GSPT1: variants seen among roughly 807,000 people sequenced by gnomAD.
GSPT1 encodes the protein G1 to S phase transition 1, also known as eukaryotic peptide chain release factor GTP-binding subunit ERF3A.
In GSPT1, 20 loss-of-function variants were observed where a neutral mutation model predicts 72.5. The ratio of observed to expected loss-of-function variants is 0.28; its 90% CI spans 0.19 to 0.40. The LOEUF is 0.40. Among genes scored for constraint, GSPT1 ranks in the 10% least tolerant of loss-of-function variants. The pLI is 1.00. For synonymous variants in GSPT1, 334 were observed against 293.5 expected, an observed-to-expected ratio of 1.14 and a Z score of -1.41; for missense variants, 580 against 811.9, an observed-to-expected ratio of 0.71 and a Z score of 3.47.
At chr16:11,894,797 ACTT>A (rs1208681505) in intron 5 of GSPT1, among the ~76,000 whole-genome samples, 154 bp downstream of exon 5, 1 of 152,156 alleles carries the variant, frequency 6.6e-6, no homozygotes, top group Non-Finnish European at 1.5e-5. Context: ...GCCAAAAATC[ACTT>A]CTTAACATCA....
rs2054143227 is a variant in GSPT1, at chr16:11,883,208, A to G, written c.1348-113T>C. The G allele has an allele frequency of 4.4e-6, 3 of 676,712 alleles. No homozygotes were observed. The South Asian group carries it at 5.1e-5, about 12-fold the overall frequency. The allele number at this position is 676,712 out of a possible 1,614,324, so 41.9% of individuals were successfully genotyped here. A position where few individuals can be genotyped will look rare whatever the true frequency, so the allele number is the denominator to read the frequency against. ...ATTCATAAAGGAAAATCATTTGCTTAAGTAGAAGGCTTAGGTTCATCTTAA... is the reference window on the plus strand; with the variant it reads ...ATTCATAAAGGAAAATCATTTGCTTGAGTAGAAGGCTTAGGTTCATCTTAA... On this transcript the variant is annotated intron_variant, in intron 10 of 14. Coordinates refer to ENST00000434724, the MANE Select transcript of GSPT1 (RefSeq NM_002094.4).
At chr16:11,891,245 T>C (rs1429969632) in intron 5 of GSPT1, 106 bp from the exon 6 acceptor site, 1 of 525,510 alleles carries the variant, frequency 1.9e-6, no homozygotes, top group African/African-American at 2.0e-5. Context: ...AGAAAATAGT[T>C]ATTTTATATG....
chr16:11,888,981 A>C (rs540716226), intron 6 of GSPT1, among the ~76,000 whole-genome samples: 15 of 152,286 alleles, frequency 9.8e-5, no homozygotes, highest in African/African-American at 3.4e-4. Flanking sequence ...ATACAACACA[A>C]ATAATGGCTG....
At chr16:11,890,332 TGTGGGAGCAA>T (rs2054243194) in intron 6 of GSPT1, among the ~76,000 whole-genome samples, 2 of 152,182 alleles carry the variant, frequency 1.3e-5, no homozygotes, top group Non-Finnish European at 2.9e-5. Flanking sequence ...TAACGCACCA[TGTGGGAGCAA>T]TGGTTACTTG....
chr16:11,913,178 C>G (rs140917045), intron 1 of GSPT1, among the ~76,000 whole-genome samples: 3 of 152,342 alleles, frequency 2.0e-5, no homozygotes, highest in African/African-American at 7.2e-5. Context: ...TTCTCCGATG[C>G]TGGCTTTTTA....
chr16:11,872,899 T>C lies in GSPT1; in HGVS notation c.*220A>G. 2.4e-6 allele frequency: 1 copy of C among 422,554 alleles called. No homozygotes were observed. Among genetic ancestry groups the C allele is most frequent in the Non-Finnish European group, 4.3e-6 (1 of 234,584 alleles). The allele number at this position is 422,554 out of a possible 1,614,324, so 26.2% of individuals were successfully genotyped here. ...CTGTCCAAGGAAGCAGAGTTTGAAG[T>C]GAGGGCTAGGGACAGGAATCTTGGG... is the stretch of plus-strand genomic sequence containing the variant. On this transcript the variant is annotated 3_prime_UTR_variant, in exon 15 of 15. Transcript: ENST00000434724.
In GSPT1 at chr16:11,915,809, G is replaced by A. The variant is rs1295426618; in HGVS notation, c.-89C>T. ...GAGAGGAGTGGGCAACGCTGACTGA[G>A]GGAAGGCGGCGGGGCAGAAGGGCCG... is the stretch of plus-strand genomic sequence containing the variant. On this transcript the variant is annotated 5_prime_UTR_variant, in exon 1 of 15. Coordinates refer to ENST00000434724, the MANE Select transcript of GSPT1 (RefSeq NM_002094.4). 6.4e-7 allele frequency: 1 copy of A among 1,569,142 alleles called. No individual in the cohort carries two copies. Among genetic ancestry groups the A allele is most frequent in the East Asian group, 2.3e-5 (1 of 43,422 alleles).
intron 11 of GSPT1, chr16:11,880,220 T>G (rs1278344497): frequency 6.6e-6 from 1 of 152,276 alleles, no homozygotes; most frequent in Non-Finnish European, 1.5e-5. Context: ...TAACACGCTT[T>G]CTTTATCCAT....
intron 1 of GSPT1, among the ~76,000 whole-genome samples, chr16:11,898,648 G>A (rs1032475947): frequency 2.6e-5 from 4 of 151,826 alleles, no homozygotes; most frequent in African/African-American, 7.3e-5. Context: ...ATGGGGTTTC[G>A]CCACGTTGGT....
At chr16:11,911,671 G>C (rs960747064) in intron 1 of GSPT1, among the ~76,000 whole-genome samples, 1 of 150,378 alleles carries the variant, frequency 6.6e-6, no homozygotes, top group African/African-American at 2.4e-5. Context: ...TCCTGCCTCA[G>C]CCTCCCCAGT....
intron 14 of GSPT1, among the ~76,000 whole-genome samples, chr16:11,874,320 T>G (rs2054013213): frequency 6.6e-6 from 1 of 152,060 alleles, no homozygotes; most frequent in African/African-American, 2.4e-5. Flanking sequence ...AAACCTATCC[T>G]TAAGTAACTG....
At chr16:11,909,442 A>T (rs1305625082) in intron 1 of GSPT1, among the ~76,000 whole-genome samples, 1 of 152,196 alleles carries the variant, frequency 6.6e-6, no homozygotes, top group South Asian at 2.1e-4. Flanking sequence ...TCCTTCAACT[A>T]GTAGCCAAAT....
Position 11,870,908 on chromosome 16 carries a change from A to C in GSPT1, c.*2211T>G, listed in dbSNP as rs2053971142. 6.6e-6 allele frequency: 1 copy of C among 152,230 alleles called. No individual in the cohort carries two copies. The highest frequency in any genetic ancestry group is 2.4e-5 in the African/African-American group (1 of 41,464). The allele number at this position is 152,230 out of a possible 1,614,324, so 9.4% of individuals were successfully genotyped here. A position where few individuals can be genotyped will look rare whatever the true frequency, so the allele number is the denominator to read the frequency against. On this transcript the variant is annotated 3_prime_UTR_variant, in exon 15 of 15. Transcript: ENST00000434724. ...CTTGGCAACATGCACATAATAGTCT[A>C]ACAGTGTAAATGTTTTAGTAGCAAA...
chr16:11,904,137 T>C, intron 1 of GSPT1: 1 of 224,198 alleles, frequency 4.5e-6, no homozygotes, highest in Non-Finnish European at 1.0e-5. Context: ...TCGGGAGCCA[T>C]GGTAGTTACT....
chr16:11,896,695 C>T lies in GSPT1; in HGVS notation c.527G>A (p.Gly176Glu), dbSNP rs1488825518. 12 of 1,607,938 alleles carry T rather than the reference C, an allele frequency of 7.5e-6. No homozygotes were observed. Among genetic ancestry groups the T allele is most frequent in the Non-Finnish European group, 9.3e-6 (11 of 1,177,032 alleles). Residue 176 changes from glycine to glutamate, a missense_variant, in exon 4 of 15, where the codon GGA becomes GAA. Physicochemically the swap from Gly to Glu is moderately conservative, Grantham distance 98. This residue lies in a region of GSPT1 where 327 missense variants were observed against 298.8 expected (regional missense o/e 1.09). Transcript: ENST00000434724. The part of the protein sequence containing the change: ...SEAEPGGGSL[G>E]DGRPPEESAH... ...ACTTTCCTCTGGCGGCCTTCCATCTCCCAAGGAACCACCCCCTGGCTCTGC... is the reference window on the plus strand; with the variant it reads ...ACTTTCCTCTGGCGGCCTTCCATCTTCCAAGGAACCACCCCCTGGCTCTGC...
At chr16:11,900,034 C>T (rs2054385930) in intron 1 of GSPT1, among the ~76,000 whole-genome samples, 1 of 152,114 alleles carries the variant, frequency 6.6e-6, no homozygotes, top group South Asian at 2.1e-4. Context: ...TCAATCCTAT[C>T]AATATGTATT....
In GSPT1 at chr16:11,891,155, GAAAAAA is replaced by G. The variant is rs753499082; in HGVS notation, c.699-22_699-17del. 8.7e-7 allele frequency: 1 copy of G among 1,154,060 alleles called. No homozygotes were observed. Among genetic ancestry groups the G allele is most frequent in the Non-Finnish European group, 1.2e-6 (1 of 861,024 alleles). The allele number at this position is 1,154,060 out of a possible 1,614,324, so 71.5% of individuals were successfully genotyped here. On this transcript the variant is annotated splice_polypyrimidine_tract_variant and intron_variant, in intron 5 of 14. Transcript: ENST00000434724. ...AGTCAAATACCTGAAAACATTTAAA[GAAAAAA>G]AAAAGTAAACAATTACTCACAAATT... is the stretch of plus-strand genomic sequence containing the variant.
chr16:11,892,658 C>G (rs1324768788), intron 5 of GSPT1, among the ~76,000 whole-genome samples: 2 of 150,490 alleles, frequency 1.3e-5, no homozygotes, highest in Non-Finnish European at 3.0e-5. Context: ...GAAACCTCAT[C>G]TCTACTAAAA....
At chr16:11,903,442 G>A (rs543490547) in intron 1 of GSPT1, among the ~76,000 whole-genome samples, 24 of 152,256 alleles carry the variant, frequency 1.6e-4, no homozygotes, top group Admixed American at 5.2e-4. Context: ...TTGAACCTGC[G>A]AGGCGGAGGT....
Sources: gnomAD v4.1 joint callset for allele counts (sites outside exome capture counted in the v4.1 genomes callset) on GRCh38, gnomAD v4.1.1 for gene constraint, gnomAD v4.1.1 regional missense constraint, MANE v1.5 for transcripts, NCBI Gene and HGNC (gene_info 2026-07-23, HGNC 2026-07-21) for gene names.